Variants in GPD2 observed in about 807,000 individuals in gnomAD.
GPD2 encodes the protein glycerol-3-phosphate dehydrogenase, mitochondrial.
GPD2 carries 54 observed loss-of-function variants against 82.4 expected under a neutral mutation model. The ratio of observed to expected loss-of-function variants is 0.66; its 90% confidence interval spans 0.53 to 0.82. The LOEUF (loss-of-function observed/expected upper bound fraction) is 0.82, where lower values mean the gene tolerates loss of function less well. GPD2 is among the 40% of genes least tolerant of loss of function. The probability of loss-of-function intolerance (pLI) is 0.00; values close to 1 mark genes in which losing one functional copy is unlikely to be tolerated. For synonymous variants in GPD2, 288 were observed against 306.1 expected (o/e 0.94, Z 0.62); for missense variants, 748 against 896.2 (o/e 0.83, Z 2.11).
intron 2 of GPD2, among the ~76,000 whole-genome samples, chr2:156,490,841 G>A (rs1684147936): frequency 1.3e-5 from 2 of 152,174 alleles, no homozygotes; most frequent in African/African-American, 2.4e-5. Context: ...TTAAAATAAT[G>A]TCTGGCACAT....
intron 1 of GPD2, among the ~76,000 whole-genome samples, chr2:156,451,402 A>G (rs1392344907): frequency 7.5e-6 from 1 of 132,504 alleles, no homozygotes; most frequent in South Asian, 2.6e-4. Flanking sequence ...CGGACGGGGC[A>G]GCTGGCAGGG....
chr2:156,424,133 G>A, the GPD2 span, among the ~76,000 whole-genome samples: 29,507 of 150,876 alleles, frequency 0.2, 3,300 homozygotes, highest in East Asian at 0.25. Context: ...CAGGAAGCTC[G>A]CCTATGTCTA....
rs75250627 is a variant in GPD2, at chr2:156,557,615, G to C, written c.1165+33G>C. 9,081 of 1,193,864 alleles carry C rather than the reference G, an allele frequency of 7.6e-3. 507 individuals are homozygous for C. In the African/African-American group the frequency reaches 0.12, roughly 16 times the overall value. 74.0% of individuals were successfully genotyped at this position (1,193,864 alleles called of 1,614,324 possible). Reference sequence around the variant, plus strand: ...AGCATTCCTTTAAGTTTGTCTCTCTGTGTCCATATCTCCCAAGCCATTCCA... The same window carrying C: ...AGCATTCCTTTAAGTTTGTCTCTCTCTGTCCATATCTCCCAAGCCATTCCA... On this transcript the variant is annotated intron_variant, in intron 9 of 16. Coordinates refer to ENST00000438166, the MANE Select transcript of GPD2 (RefSeq NM_000408.5).
intron 2 of GPD2, among the ~76,000 whole-genome samples, chr2:156,492,147 C>CTTTTTTT (rs770947790): frequency 9.3e-5 from 7 of 75,508 alleles, no homozygotes; most frequent in Admixed American, 2.2e-4. Context: ...CCCTCCCTAC[C>CTTTTTTT]TTTTTTTTTT....
rs150979484 is a variant in GPD2 at position 156,505,004 on chromosome 2, TG to T, written c.275-5791del. Among the ~76,000 whole-genome samples the T allele has an allele frequency of 6.4e-3, 982 of 152,306 alleles. 7 individuals carry two copies. The highest frequency in any genetic ancestry group is 0.031 in the Middle Eastern group (9 of 294). On this transcript the variant is annotated intron_variant, in intron 3 of 16. Transcript: ENST00000438166. The stretch of plus-strand genomic sequence containing the variant: ...ATTTATTATATTGAGCATGTTTTCA[TG>T]CATAATAAGATAATCAGTAAAAGGT...
chr2:156,443,966 G>A (rs1284652244), intron 1 of GPD2, among the ~76,000 whole-genome samples: 1 of 152,218 alleles, frequency 6.6e-6, no homozygotes, highest in Non-Finnish European at 1.5e-5. Context: ...CTAGGTCAAA[G>A]GTGGGCAGTG....
At chr2:156,544,678 G>C (rs1469696850) in intron 6 of GPD2, among the ~76,000 whole-genome samples, 1 of 152,112 alleles carries the variant, frequency 6.6e-6, no homozygotes. Flanking sequence ...TCTTGAAAGG[G>C]ATAGGTAATT....
chr2:156,484,515 T>A (rs1319920872), intron 2 of GPD2, among the ~76,000 whole-genome samples: 16 of 152,196 alleles, frequency 1.1e-4, no homozygotes, highest in Admixed American at 1.0e-3. Context: ...CTGTACCTGT[T>A]GATGGCAGAA....
intron 6 of GPD2, among the ~76,000 whole-genome samples, chr2:156,536,860 A>G (rs1342844491): frequency 1.3e-5 from 2 of 152,250 alleles, no homozygotes; most frequent in African/African-American, 2.4e-5. Context: ...GAAGTGATCC[A>G]TGGAGTCAAA....
At chr2:156,472,575 G>A (rs1211142654) in intron 1 of GPD2, among the ~76,000 whole-genome samples, 1 of 152,138 alleles carries the variant, frequency 6.6e-6, no homozygotes, top group African/African-American at 2.4e-5. Context: ...ACCCACCTCA[G>A]CCTCCCAAAG....
intron 1 of GPD2, among the ~76,000 whole-genome samples, chr2:156,469,652 A>AG (rs1360423778): frequency 2.0e-5 from 3 of 152,150 alleles, no homozygotes; most frequent in African/African-American, 7.2e-5. Context: ...GCATGCCCCG[A>AG]GGACAGCAAG....
rs1688175422 is a variant in GPD2, at chr2:156,585,314, A to G, written c.*2396A>G. ...TCCCTTTGCATATAAACTTGACATCAGTTGATTCTGTTGGGGTCGGGGTGG... is the reference window on the plus strand; with the variant it reads ...TCCCTTTGCATATAAACTTGACATCGGTTGATTCTGTTGGGGTCGGGGTGG... On this transcript the variant is annotated 3_prime_UTR_variant, in exon 17 of 17. Coordinates refer to ENST00000438166, the MANE Select transcript of GPD2 (RefSeq NM_000408.5). The G allele has an allele frequency of 6.6e-6, 1 of 151,832 alleles. No individual in the cohort carries two copies. The highest frequency in any genetic ancestry group is 2.4e-5 in the African/African-American group (1 of 41,272). 9.4% of individuals were successfully genotyped at this position (151,832 alleles called of 1,614,324 possible).
At chr2:156,477,979 A>G (rs1683572195) in intron 2 of GPD2, among the ~76,000 whole-genome samples, 1 of 152,216 alleles carries the variant, frequency 6.6e-6, no homozygotes, top group African/African-American at 2.4e-5. Flanking sequence ...CACAATATCT[A>G]ATATGATGAG....
intron 2 of GPD2, among the ~76,000 whole-genome samples, chr2:156,484,981 T>G (rs181568746): frequency 1.3e-5 from 2 of 152,340 alleles, no homozygotes; most frequent in Admixed American, 1.3e-4. Flanking sequence ...GTTCGACTAT[T>G]TTAACTCTCA....
intron 3 of GPD2, among the ~76,000 whole-genome samples, chr2:156,497,086 T>C (rs1463105167): frequency 6.6e-6 from 1 of 152,202 alleles, no homozygotes; most frequent in East Asian, 1.9e-4. Flanking sequence ...GTTTTGGCTG[T>C]GGGTATTAGC....
intron 2 of GPD2, among the ~76,000 whole-genome samples, chr2:156,486,660 G>T (rs1411012523): frequency 6.6e-6 from 1 of 152,146 alleles, no homozygotes. Context: ...AGAAATAGAT[G>T]ATTTAAATAG....
intron 15 of GPD2, 120 bp downstream of exon 15, chr2:156,579,284 T>G (rs1687940592): frequency 1.4e-6 from 1 of 689,760 alleles, no homozygotes; most frequent in East Asian, 2.8e-5. Context: ...AAAGATTTAG[T>G]AACATTAGTG....
intron 6 of GPD2, among the ~76,000 whole-genome samples, chr2:156,525,933 A>C (rs537656888): frequency 6.6e-6 from 1 of 152,246 alleles, no homozygotes; most frequent in East Asian, 1.9e-4. Context: ...TAACTTAAAA[A>C]ATTTTTTTAG....
At chr2:156,505,314 C>G (rs1014594716) in intron 3 of GPD2, among the ~76,000 whole-genome samples, 2 of 152,076 alleles carry the variant, frequency 1.3e-5, no homozygotes. Context: ...TTCTTCTACT[C>G]TAACTAATCT....
Sources: allele counts gnomAD v4.1 joint callset (sites outside exome capture counted in the v4.1 genomes callset), GRCh38; gene constraint gnomAD v4.1.1; transcripts MANE v1.5; gene names NCBI Gene and HGNC (gene_info 2026-07-23, HGNC 2026-07-21).